DCLK1: variants seen among roughly 807,000 people sequenced by gnomAD.
DCLK1 encodes the protein serine/threonine-protein kinase DCLK1.
A neutral mutation model predicts 86.2 loss-of-function variants in DCLK1; 16 were observed. That is an observed-to-expected ratio of 0.19 (90% CI 0.13 to 0.28). The LOEUF (loss-of-function observed/expected upper bound fraction) is 0.28. DCLK1 is among the 10% of genes least tolerant of loss of function. The probability of loss-of-function intolerance (pLI) is 1.00; values close to 1 mark genes in which losing one functional copy is unlikely to be tolerated. For synonymous variants in DCLK1, 369 were observed against 370.5 expected, an observed-to-expected ratio of 1.00 and a Z score of 0.05; for missense variants, 590 against 940.2, an observed-to-expected ratio of 0.63 and a Z score of 4.87.
intron 3 of DCLK1, among the ~76,000 whole-genome samples, chr13:36,000,212 G>T (rs1458795871): frequency 6.6e-6 from 1 of 152,116 alleles, no homozygotes; most frequent in East Asian, 1.9e-4. Flanking sequence ...CCTCAGTGAT[G>T]ACTTCCTCTT....
chr13:35,978,893 C>T (rs1158324121), intron 3 of DCLK1, among the ~76,000 whole-genome samples: 1 of 152,154 alleles, frequency 6.6e-6, no homozygotes, highest in Non-Finnish European at 1.5e-5. Flanking sequence ...AACTCCCAAA[C>T]AGAATACACA....
At chr13:35,918,347 G>T (rs751528966) in intron 4 of DCLK1, among the ~76,000 whole-genome samples, 1 of 152,230 alleles carries the variant, frequency 6.6e-6, no homozygotes, top group Non-Finnish European at 1.5e-5. Flanking sequence ...CTGTGAGGTT[G>T]TGTGGATTCA....
intron 4 of DCLK1, among the ~76,000 whole-genome samples, chr13:35,909,116 C>T (rs1874851625): frequency 6.6e-6 from 1 of 152,190 alleles, no homozygotes; most frequent in South Asian, 2.1e-4. Context: ...ACTGTGTCAG[C>T]ACCACACAAC....
intron 4 of DCLK1, among the ~76,000 whole-genome samples, chr13:35,936,962 C>CTTGTTTTTTTTTTTTTTTTT (rs1876786683): frequency 1.5e-5 from 1 of 65,712 alleles, no homozygotes; most frequent in Non-Finnish European, 3.0e-5. Flanking sequence ...GAAAAGTTAG[C>CTTGTTTTTTTTTTTTTTTTT]TTTTTTTTTT....
At chr13:36,078,336 T>C (rs538924378) in intron 3 of DCLK1, among the ~76,000 whole-genome samples, 1 of 152,184 alleles carries the variant, frequency 6.6e-6, no homozygotes, top group African/African-American at 2.4e-5. Context: ...ACAATAAGCA[T>C]ACCACTTACA....
At chr13:35,966,261 T>C (rs900394334) in intron 3 of DCLK1, among the ~76,000 whole-genome samples, 5 of 152,300 alleles carry the variant, frequency 3.3e-5, no homozygotes, top group Non-Finnish European at 5.9e-5. Flanking sequence ...GGAATTCCCA[T>C]ACAATCCAGC....
intron 11 of DCLK1, among the ~76,000 whole-genome samples, chr13:35,819,566 A>G (rs2153104462): frequency 6.6e-6 from 1 of 152,300 alleles, no homozygotes; most frequent in Middle Eastern, 3.4e-3. Context: ...TACAATTTAG[A>G]AGGGTTTTAT....
chr13:35,897,083 A>G (rs1341110154), intron 4 of DCLK1, among the ~76,000 whole-genome samples: 1 of 152,152 alleles, frequency 6.6e-6, no homozygotes, highest in East Asian at 1.9e-4. Flanking sequence ...TTATCGGGCC[A>G]TTGAATTAGA....
chr13:36,066,760 C>T (rs1314642133), intron 3 of DCLK1, among the ~76,000 whole-genome samples: 3 of 152,054 alleles, frequency 2.0e-5, no homozygotes, highest in East Asian at 3.9e-4. Context: ...CATGAACAGA[C>T]ACTTCTCAAA....
intron 4 of DCLK1, among the ~76,000 whole-genome samples, chr13:35,922,314 C>A (rs1342253933): frequency 6.6e-6 from 1 of 152,104 alleles, no homozygotes; most frequent in Non-Finnish European, 1.5e-5. Flanking sequence ...TATCTTCTAC[C>A]TATTACCTTC....
At chr13:35,831,227 T>C (rs1419151855) in intron 8 of DCLK1, among the ~76,000 whole-genome samples, 1 of 152,198 alleles carries the variant, frequency 6.6e-6, no homozygotes, top group Non-Finnish European at 1.5e-5. Flanking sequence ...ACCAAATTAA[T>C]GTTGCATCTT....
chr13:36,126,172 A>G lies in DCLK1; in HGVS notation c.-19-16T>C. On this transcript the variant is annotated splice_polypyrimidine_tract_variant and intron_variant, in intron 1 of 16. Transcript: ENST00000360631. Reference sequence around the variant, plus strand: ...CAAGTAGGACCTACGAGCCCCAGAAACAAAAGCAGACACACATATTGATGT... The same window carrying G: ...CAAGTAGGACCTACGAGCCCCAGAAGCAAAAGCAGACACACATATTGATGT... 6 of 1,532,002 alleles carry G rather than the reference A, an allele frequency of 3.9e-6. No individual in the cohort carries two copies. Among genetic ancestry groups the G allele is most frequent in the Non-Finnish European group, 5.2e-6 (6 of 1,147,036 alleles). 94.9% of individuals were successfully genotyped at this position (1,532,002 alleles called of 1,614,324 possible).
At position 35,976,525 on chromosome 13, in the gene DCLK1, G is replaced by GTTTTTTTTTTTTTTTTTTTTTTTT. The variant is rs11294824; in HGVS notation, c.724-29069_724-29068insAAAAAAAAAAAAAAAAAAAAAAAA. The stretch of plus-strand genomic sequence containing the variant: ...CTCCCAGCACTTCAGCTTCTCCGAG[G>GTTTTTTTTTTTTTTTTTTTTTTTT]TTTTTTTTTTTTTTTTTTTTTTTGA... On this transcript the variant is annotated intron_variant, in intron 3 of 16. Transcript: ENST00000360631. Among the ~76,000 whole-genome samples, 177 of 56,370 alleles carry GTTTTTTTTTTTTTTTTTTTTTTTT rather than the reference G, an allele frequency of 3.1e-3. 26 individuals are homozygous for GTTTTTTTTTTTTTTTTTTTTTTTT. Among genetic ancestry groups the GTTTTTTTTTTTTTTTTTTTTTTTT allele is most frequent in the Non-Finnish European group, 3.9e-3 (117 of 29,996 alleles). The allele number at this position is 56,370 out of a possible 152,430, so 37.0% of individuals were successfully genotyped here. A position where few individuals can be genotyped will look rare whatever the true frequency, so the allele number is the denominator to read the frequency against.
chr13:36,100,082 C>T (rs996664097), intron 3 of DCLK1, among the ~76,000 whole-genome samples: 3 of 148,496 alleles, frequency 2.0e-5, no homozygotes, highest in Non-Finnish European at 4.5e-5. Flanking sequence ...GTGGCTCACA[C>T]CTGTAATCCC....
intron 4 of DCLK1, among the ~76,000 whole-genome samples, chr13:35,924,763 C>T (rs907482098): frequency 2.0e-5 from 3 of 152,218 alleles, no homozygotes; most frequent in African/African-American, 4.8e-5. Flanking sequence ...CATGAAGGAG[C>T]ATATTCACCA....
chr13:35,994,034 TC>T (rs1293000217), intron 3 of DCLK1, among the ~76,000 whole-genome samples: 1 of 150,804 alleles, frequency 6.6e-6, no homozygotes, highest in Non-Finnish European at 1.5e-5. Context: ...CTGCAAAACA[TC>T]CTTTTGAGAT....
intron 4 of DCLK1, among the ~76,000 whole-genome samples, chr13:35,917,220 T>C (rs1265833671): frequency 6.6e-6 from 1 of 152,260 alleles, no homozygotes; most frequent in East Asian, 1.9e-4. Flanking sequence ...ACGAAGCTCA[T>C]ATTAAATAAA....
intron 4 of DCLK1, among the ~76,000 whole-genome samples, chr13:35,882,954 G>A (rs1476602473): frequency 1.3e-5 from 2 of 152,278 alleles, no homozygotes; most frequent in Middle Eastern, 3.4e-3. Context: ...ATGTGACAGC[G>A]AGTGGCTGAG....
In DCLK1 at chr13:35,808,316, C is replaced by T. The variant is rs760469890; in HGVS notation, c.1771G>A (p.Gly591Ser). ...LCGFPPFRGS[G>S]DDQEVLFDQI... ...TCAAAAAGCACCTCCTGGTCATCAC[C>T]ACTTCTGTTTAGGTGAACGACAACA... is the stretch of plus-strand genomic sequence containing the variant. Residue 591 changes from glycine to serine, a missense_variant, in exon 14 of 17, where the codon GGT becomes AGT. Transcript: ENST00000360631. 1.2e-6 allele frequency: 2 copies of T among 1,614,012 alleles called. No individual in the cohort carries two copies. The highest frequency in any genetic ancestry group is 1.1e-5 in the South Asian group (1 of 91,070).
Sources: gnomAD v4.1 joint callset for allele counts (sites outside exome capture counted in the v4.1 genomes callset) on GRCh38, gnomAD v4.1.1 for gene constraint, MANE v1.5 for transcripts, NCBI Gene and HGNC (gene_info 2026-07-23, HGNC 2026-07-21) for gene names.